The following DYNC1I1 variants were observed in gnomAD, a reference collection of about 807,000 sequenced individuals.
DYNC1I1 encodes the protein dynein cytoplasmic 1 intermediate chain 1, also known as cytoplasmic dynein 1 intermediate chain 1.
A neutral mutation model predicts 86.6 loss-of-function variants in DYNC1I1; 43 were observed. The observed-to-expected ratio is 0.50, with a 90% confidence interval of 0.39 to 0.64. The LOEUF (loss-of-function observed/expected upper bound fraction) is 0.64. DYNC1I1 is among the 30% of genes least tolerant of loss of function. The pLI, the probability that DYNC1I1 is intolerant of heterozygous loss-of-function variation, is 0.00. For missense variants in DYNC1I1, 604 were observed against 788.8 expected (o/e 0.77, Z 2.81); for synonymous variants, 262 against 283.7 (o/e 0.92, Z 0.77).
At chr7:96,079,490 G>A (rs1212321844) in intron 15 of DYNC1I1, among the ~76,000 whole-genome samples, 1 of 152,142 alleles carries the variant, frequency 6.6e-6, no homozygotes. Context: ...CTGATAATGG[G>A]AGAGAGGTAG....
In DYNC1I1 at chr7:95,772,712, C is replaced by A. The variant is rs1356836619; in HGVS notation, c.-71C>A. ...CGGGAGCCGCCTGCACCAACGCTGC[C>A]GCCGCCCAGGAGCCGCCGCCGGCTC... On this transcript the variant is annotated 5_prime_UTR_variant, in exon 1 of 17. Transcript: ENST00000447467. The A allele has an allele frequency of 6.5e-6, 1 of 152,788 alleles. No individual in the cohort carries two copies. Among genetic ancestry groups the A allele is most frequent in the South Asian group, 1.9e-4 (1 of 5,278 alleles). 9.5% of individuals were successfully genotyped at this position (152,788 alleles called of 1,614,324 possible).
At chr7:95,911,491 G>GGGAA (rs1461304198) in intron 6 of DYNC1I1, among the ~76,000 whole-genome samples, 1 of 152,146 alleles carries the variant, frequency 6.6e-6, no homozygotes, top group Non-Finnish European at 1.5e-5. Flanking sequence ...AAAGCAAGGA[G>GGGAA]GGAAGGAACA....
intron 1 of DYNC1I1, among the ~76,000 whole-genome samples, chr7:95,786,964 T>C (rs2115690288): frequency 6.6e-6 from 1 of 152,292 alleles, no homozygotes; most frequent in East Asian, 1.9e-4. Context: ...TTACCTGTAG[T>C]CAGCTATCAT....
chr7:95,915,055 T>C (rs1385152757), intron 6 of DYNC1I1, among the ~76,000 whole-genome samples: 2 of 152,230 alleles, frequency 1.3e-5, no homozygotes, highest in Non-Finnish European at 2.9e-5. Flanking sequence ...ATCTCAGTTA[T>C]ATCTTAAATG....
chr7:95,956,782 T>C (rs1279938098), intron 6 of DYNC1I1, among the ~76,000 whole-genome samples: 2 of 152,226 alleles, frequency 1.3e-5, no homozygotes, highest in African/African-American at 2.4e-5. Context: ...CAGTCTATCA[T>C]TGATGGGCAT....
chr7:95,967,066 T>C (rs1292174578), intron 6 of DYNC1I1, among the ~76,000 whole-genome samples: 1 of 152,026 alleles, frequency 6.6e-6, no homozygotes, highest in Admixed American at 6.6e-5. Flanking sequence ...TTTAAAACAG[T>C]AAAAATATTT....
intron 16 of DYNC1I1, among the ~76,000 whole-genome samples, chr7:96,104,198 G>A (rs1791180759): frequency 6.6e-6 from 1 of 151,932 alleles, no homozygotes; most frequent in African/African-American, 2.4e-5. Flanking sequence ...ATTTAATTTA[G>A]AAGAGTTTTC....
intron 6 of DYNC1I1, among the ~76,000 whole-genome samples, chr7:95,877,942 G>A (rs1187551256): frequency 1.3e-5 from 2 of 152,200 alleles, no homozygotes; most frequent in African/African-American, 4.8e-5. Flanking sequence ...GTTACCGCAG[G>A]ATAACTATGC....
intron 5 of DYNC1I1, among the ~76,000 whole-genome samples, chr7:95,833,402 G>A (rs1788976478): frequency 1.3e-5 from 2 of 150,052 alleles, no homozygotes; most frequent in Non-Finnish European, 3.0e-5. Flanking sequence ...GTCAGGTAGT[G>A]TGATGCCTCC....
chr7:95,782,093 G>T (rs893143847), intron 1 of DYNC1I1, among the ~76,000 whole-genome samples: 2 of 152,166 alleles, frequency 1.3e-5, no homozygotes, highest in African/African-American at 4.8e-5. Context: ...GCTTCCTCTT[G>T]ATATATACTT....
At chr7:96,061,737 C>T (rs1257370098) in intron 14 of DYNC1I1, among the ~76,000 whole-genome samples, 1 of 149,792 alleles carries the variant, frequency 6.7e-6, no homozygotes, top group Admixed American at 6.6e-5. Context: ...CACACACACG[C>T]ACACAAACAC....
In DYNC1I1 at chr7:95,857,960, G is replaced by C. The variant is rs533738363; in HGVS notation, c.375-11923G>C. 2.6e-5 allele frequency among the ~76,000 whole-genome samples: 4 copies of C among 152,288 alleles called. No homozygotes were observed. In the South Asian group the frequency reaches 8.3e-4, roughly 32 times the overall value. On this transcript the variant is annotated intron_variant, in intron 5 of 16. Coordinates refer to ENST00000447467, the MANE Select transcript of DYNC1I1 (RefSeq NM_001135556.2). The stretch of plus-strand genomic sequence containing the variant: ...GTCACAAACTCTTTGCTTTGTCTGT[G>C]ATCATTGTGGTCCTGAGAGGGATAC...
At chr7:95,786,912 G>A (rs562199352) in intron 1 of DYNC1I1, among the ~76,000 whole-genome samples, 15 of 152,252 alleles carry the variant, frequency 9.9e-5, no homozygotes, top group African/African-American at 2.6e-4. Flanking sequence ...GTACACACTC[G>A]TGCTGAAAAT....
chr7:95,980,678 G>A (rs1347941945), intron 7 of DYNC1I1, among the ~76,000 whole-genome samples: 3 of 150,492 alleles, frequency 2.0e-5, no homozygotes, highest in Non-Finnish European at 4.4e-5. Flanking sequence ...CTAAAGAAAT[G>A]CAGTCTTGAT....
rs564826728 is a variant in DYNC1I1, at chr7:96,086,317, C to T, written c.1776+5829C>T. 2.6e-5 allele frequency among the ~76,000 whole-genome samples: 4 copies of T among 152,300 alleles called. No individual in the cohort carries two copies. In the South Asian group the frequency reaches 8.3e-4, roughly 32 times the overall value. On this transcript the variant is annotated intron_variant, in intron 16 of 16. Transcript: ENST00000447467. ...TCCTATTATTTCTTTTTCCATTAAC[C>T]TCTTCCAGGGAAGATTTTGTTTTCA...
chr7:95,922,642 C>T (rs1461958589), intron 6 of DYNC1I1, among the ~76,000 whole-genome samples: 1 of 152,010 alleles, frequency 6.6e-6, no homozygotes. Flanking sequence ...TATAATTAGC[C>T]AAATGGTATC....
intron 6 of DYNC1I1, among the ~76,000 whole-genome samples, chr7:95,951,793 G>T (rs1485980602): frequency 6.6e-6 from 1 of 152,128 alleles, no homozygotes; most frequent in African/African-American, 2.4e-5. Flanking sequence ...GTGGTTTCTT[G>T]TGTAAGCTCA....
At chr7:96,015,261 T>C (rs532722837) in intron 10 of DYNC1I1, among the ~76,000 whole-genome samples, 1 of 152,288 alleles carries the variant, frequency 6.6e-6, no homozygotes, top group East Asian at 1.9e-4. Flanking sequence ...CTCTAACATA[T>C]GTTTAGGAAT....
intron 14 of DYNC1I1, among the ~76,000 whole-genome samples, chr7:96,043,891 G>A (rs1018752483): frequency 4.6e-5 from 7 of 151,930 alleles, no homozygotes; most frequent in Non-Finnish European, 7.4e-5. Context: ...TGTATTTTTA[G>A]TAGAGATGGG....
Sources: allele counts gnomAD v4.1 joint callset (sites outside exome capture counted in the v4.1 genomes callset), GRCh38; gene constraint gnomAD v4.1.1; transcripts MANE v1.5; gene names NCBI Gene and HGNC (gene_info 2026-07-23, HGNC 2026-07-21).